NSD3: variants seen among roughly 807,000 people sequenced by gnomAD.
NSD3 encodes nuclear receptor binding SET domain protein 3.
NSD3 carries 24 observed loss-of-function variants against 160.8 expected under a neutral mutation model. The ratio of observed to expected loss-of-function variants is 0.15; its 90% CI spans 0.11 to 0.21. The LOEUF (loss-of-function observed/expected upper bound fraction) is 0.21. Among genes scored for constraint, NSD3 ranks in the 10% least tolerant of loss-of-function variants. The probability of loss-of-function intolerance (pLI) is 1.00; values close to 1 mark genes in which losing one functional copy is unlikely to be tolerated. For synonymous variants in NSD3, 520 were observed against 600.0 expected, an observed-to-expected ratio of 0.87 and a Z score of 1.95; for missense variants, 1,157 against 1,735.9, an observed-to-expected ratio of 0.67 and a Z score of 5.93.
intron 21 of NSD3, 43 bp from the exon 22 acceptor site, chr8:38,278,455 G>C: frequency 6.5e-7 from 1 of 1,527,044 alleles, no homozygotes; most frequent in South Asian, 1.2e-5. Flanking sequence ...GAGTCATGGG[G>C]AAGAGAAAAG....
At chr8:38,371,952 A>C (rs1315611889) in intron 1 of NSD3, among the ~76,000 whole-genome samples, 12 of 152,222 alleles carry the variant, frequency 7.9e-5, no homozygotes, top group African/African-American at 2.9e-4. Context: ...AGCATAATGC[A>C]GTTTCTCCAG....
chr8:38,351,120 C>T (rs1421609710), intron 1 of NSD3, among the ~76,000 whole-genome samples: 4 of 151,220 alleles, frequency 2.6e-5, no homozygotes, highest in Admixed American at 2.0e-4. Flanking sequence ...TACAGGTGCC[C>T]GCCACCATGC....
intron 16 of NSD3, among the ~76,000 whole-genome samples, chr8:38,293,452 A>G (rs1809055902): frequency 6.6e-6 from 1 of 151,548 alleles, no homozygotes; most frequent in Non-Finnish European, 1.5e-5. Context: ...CGGGGGGCTG[A>G]GGCAGGACAA....
At chr8:38,285,983 G>A (rs1454002207) in intron 19 of NSD3, among the ~76,000 whole-genome samples, 1 of 151,962 alleles carries the variant, frequency 6.6e-6, no homozygotes, top group Non-Finnish European at 1.5e-5. Flanking sequence ...TTATCCTTTC[G>A]AAACCCAAGT....
At chr8:38,347,441 A>T (rs1184836372) in intron 2 of NSD3, 56 bp downstream of exon 2, 1 of 1,518,246 alleles carries the variant, frequency 6.6e-7, no homozygotes, top group Non-Finnish European at 8.8e-7. Context: ...AGATCTCTTG[A>T]ACTTCCAGTA....
intron 1 of NSD3, among the ~76,000 whole-genome samples, chr8:38,374,574 G>C (rs1273407593): frequency 6.6e-6 from 1 of 152,088 alleles, no homozygotes; most frequent in Non-Finnish European, 1.5e-5. Flanking sequence ...AGAGGCAACA[G>C]AGCCAGACCC....
chr8:38,292,522 C>T (rs1809021412), intron 16 of NSD3, among the ~76,000 whole-genome samples: 1 of 151,944 alleles, frequency 6.6e-6, no homozygotes, highest in South Asian at 2.1e-4. Context: ...GTGTCTCACG[C>T]CTGTAATCCC....
Position 38,317,285 on chromosome 8 carries a change from T to C in NSD3, c.1856-1243A>G. On this transcript the variant is annotated intron_variant, in intron 9 of 23. Transcript: ENST00000317025. This position sits in a 1 kb window ranked among gnomAD's most constrained non-coding sequence, Gnocchi z 5.3. ...CCTGACATCTATAAATGAGGGTGCC[T>C]GCCCATGTTAATGCTGATTAAAAAA... The C allele has an allele frequency of 1.9e-6, 2 of 1,060,182 alleles. No homozygotes were observed. The highest frequency in any genetic ancestry group is 1.6e-5 in the African/African-American group (1 of 60,872). The allele number at this position is 1,060,182 out of a possible 1,614,324, so 65.7% of individuals were successfully genotyped here.
intron 11 of NSD3, 112 bp downstream of exon 11, chr8:38,315,299 TTAAAG>T: frequency 6.4e-6 from 8 of 1,256,566 alleles, no homozygotes; most frequent in Non-Finnish European, 8.4e-6. Flanking sequence ...ATCTGTAGCT[TTAAAG>T]TAATATCATA....
chr8:38,373,989 C>CCTG (rs1276597825), intron 1 of NSD3, among the ~76,000 whole-genome samples: 1 of 149,660 alleles, frequency 6.7e-6, no homozygotes, highest in Non-Finnish European at 1.5e-5. Flanking sequence ...GTGGCACACG[C>CCTG]CTGTAGTCCC....
intron 1 of NSD3, among the ~76,000 whole-genome samples, chr8:38,361,206 C>G (rs1472984894): frequency 6.6e-6 from 1 of 151,810 alleles, no homozygotes; most frequent in African/African-American, 2.4e-5. Context: ...GTTGGCCAGG[C>G]TGGTCTCAAA....
At chr8:38,361,777 AAAG>A (rs1296399957) in intron 1 of NSD3, among the ~76,000 whole-genome samples, 1 of 151,234 alleles carries the variant, frequency 6.6e-6, no homozygotes, top group Non-Finnish European at 1.5e-5. Flanking sequence ...AAAAAAAAAA[AAAG>A]ACAGAAAGGG....
At chr8:38,307,125 A>AAAAAT (rs1554524043) in intron 12 of NSD3, among the ~76,000 whole-genome samples, 3 of 146,410 alleles carry the variant, frequency 2.0e-5, no homozygotes, top group South Asian at 4.2e-4. Context: ...AAAAAAAAAA[A>AAAAAT]AAATAAAATA....
rs1808561719 is a variant in NSD3, at chr8:38,274,905, A to G, written c.*736T>C. ...GAAAACGTTTTAAAAATCAGTGAGC[A>G]CATCCATTCCTTTTTTTCCTTCCAC... On this transcript the variant is annotated 3_prime_UTR_variant, in exon 24 of 24. Coordinates refer to ENST00000317025, the MANE Select transcript of NSD3 (RefSeq NM_023034.2). 5.3e-6 allele frequency: 1 copy of G among 189,234 alleles called. No homozygotes were observed. The highest frequency in any genetic ancestry group is 1.1e-5 in the Non-Finnish European group (1 of 90,078). The allele number at this position is 189,234 out of a possible 1,614,324, so 11.7% of individuals were successfully genotyped here.
At chr8:38,348,258 A>G (rs1051243315) in intron 1 of NSD3, 43 bp from the exon 2 acceptor site, 7 of 1,441,716 alleles carry the variant, frequency 4.9e-6, no homozygotes, top group Middle Eastern at 3.6e-4. Context: ...TACTATTCTC[A>G]TAGGCTAGAG....
rs146132494 is a variant in NSD3, at chr8:38,290,632, G to A, written c.2961C>T (p.Asn987=). 991 of 1,613,962 alleles carry A rather than the reference G, an allele frequency of 6.1e-4. 9 individuals are homozygous for A. The Admixed American group carries it at 0.014, about 22-fold the overall frequency. The change falls in exon 17 of 24, where the codon AAC becomes AAT. Residue 987 remains asparagine, a synonymous_variant. Coordinates refer to ENST00000317025, the MANE Select transcript of NSD3 (RefSeq NM_023034.2). The part of the protein sequence containing the change: ...EICNPRSVPL[N]IQGLKHDLGD... ...CCAAGTCATGTTTAAGGCCCTGGAT[G>A]TTCAGTGGCACAGACCTGGGGTTGC... is the stretch of plus-strand genomic sequence containing the variant.
In NSD3 at chr8:38,286,020, C is replaced by T. The variant is rs536337372; in HGVS notation, c.3501+2467G>A. On this transcript the variant is annotated intron_variant, in intron 19 of 23. Transcript: ENST00000317025. ...TGGCAGACAGACTCTCAAGGTGGCCCCGGTGATGCCTGCCTGCTGGTGTTC... is the reference window on the plus strand; with the variant it reads ...TGGCAGACAGACTCTCAAGGTGGCCTCGGTGATGCCTGCCTGCTGGTGTTC... Among the ~76,000 whole-genome samples the T allele has an allele frequency of 1.5e-3, 227 of 152,292 alleles. 3 individuals carry two copies. In the Middle Eastern group the frequency reaches 0.017, roughly 11 times the overall value.
chr8:38,380,313 C>A (rs181561981), intron 1 of NSD3, among the ~76,000 whole-genome samples: 125 of 152,306 alleles, frequency 8.2e-4, no homozygotes, highest in Non-Finnish European at 1.2e-3. Flanking sequence ...ATTCAAAATA[C>A]AGCAAGCCGA....
At chr8:38,374,418 G>A (rs929833399) in intron 1 of NSD3, among the ~76,000 whole-genome samples, 1 of 152,010 alleles carries the variant, frequency 6.6e-6, no homozygotes. Context: ...GGTAATATAA[G>A]CTATGAAGAA....
Sources: gnomAD v4.1 joint callset for allele counts (sites outside exome capture counted in the v4.1 genomes callset) on GRCh38, gnomAD v4.1.1 for gene constraint, Gnocchi (gnomAD v3.1) non-coding constraint, MANE v1.5 for transcripts, NCBI Gene and HGNC (gene_info 2026-07-23, HGNC 2026-07-21) for gene names.